PLEKHA6: variants seen among roughly 807,000 people sequenced by gnomAD.
PLEKHA6 encodes the protein pleckstrin homology domain-containing family A member 6.
A neutral mutation model predicts 116.7 loss-of-function variants in PLEKHA6; 60 were observed. The ratio of observed to expected loss-of-function variants is 0.51; its 90% CI spans 0.42 to 0.64. PLEKHA6 has a LOEUF of 0.64. Ranked by LOEUF, PLEKHA6 falls within the 30% of genes least tolerant of loss-of-function variation. PLEKHA6 has a pLI of 0.00. For synonymous variants in PLEKHA6, 489 were observed against 556.1 expected (o/e 0.88, Z 1.70); for missense variants, 1,338 against 1,422.7 (o/e 0.94, Z 0.96).
intron 1 of PLEKHA6, chr1:204,313,738 G>C: frequency 2.0e-6 from 2 of 983,374 alleles, no homozygotes; most frequent in South Asian, 4.7e-5. Flanking sequence ...ATCTCCCTGG[G>C]AGACATGGTC....
In PLEKHA6 at chr1:204,238,683, G is replaced by T. The variant is rs148260337; in HGVS notation, c.2409+2692C>A. ...CACCATGCCTTCTCTCCCCTACCCT[G>T]CACTGATGGACTCATGGGGAGTTCC... On this transcript the variant is annotated intron_variant, in intron 17 of 22. Transcript: ENST00000272203. This position sits in a 1 kb window ranked among gnomAD's most constrained non-coding sequence, Gnocchi z 4.2. Among the ~76,000 whole-genome samples the T allele has an allele frequency of 6.6e-6, 1 of 152,302 alleles. No individual in the cohort carries two copies. Among genetic ancestry groups the T allele is most frequent in the East Asian group, 1.9e-4 (1 of 5,184 alleles).
At chr1:204,348,655 C>A (rs2103351669) in intron 1 of PLEKHA6, among the ~76,000 whole-genome samples, 1 of 152,150 alleles carries the variant, frequency 6.6e-6, no homozygotes, top group East Asian at 1.9e-4. Flanking sequence ...CCTGGGTATT[C>A]CACAGCCACT....
chr1:204,308,492 G>GA (rs933342158), intron 1 of PLEKHA6, among the ~76,000 whole-genome samples: 35 of 148,388 alleles, frequency 2.4e-4, no homozygotes, highest in East Asian at 3.9e-4. Flanking sequence ...CTGATTGCAA[G>GA]AAAAAAAAAA....
chr1:204,323,021 C>G (rs1672119559), intron 1 of PLEKHA6, among the ~76,000 whole-genome samples: 2 of 152,214 alleles, frequency 1.3e-5, no homozygotes, highest in Admixed American at 6.5e-5. Context: ...TAATGCCTTC[C>G]CCGCTTTTAC....
intron 1 of PLEKHA6, chr1:204,275,727 C>A (rs1403848290): frequency 2.6e-5 from 26 of 985,002 alleles, no homozygotes; most frequent in Non-Finnish European, 3.1e-5. Context: ...GCCATAATGG[C>A]AACCCCCAAG....
rs770877618 is a variant in PLEKHA6 at position 204,241,797 on chromosome 1, T to C, written c.2190A>G (p.Glu730=). 1 of 1,614,190 alleles carries C rather than the reference T, an allele frequency of 6.2e-7. No homozygotes were observed. The highest frequency in any genetic ancestry group is 8.5e-7 in the Non-Finnish European group (1 of 1,180,030). The part of the protein sequence containing the change: ...PGSNEPKANY[E]QSKKDPHQTL... ...TCTGGTGGGGGTCTTTCTTGCTTTG[T>C]TCATAGTTTGCCTTGGGCTGGGGAG... The change falls in exon 16 of 23, where the codon GAA becomes GAG. Residue 730 remains glutamate, a synonymous_variant. Transcript: ENST00000272203.
At chr1:204,265,132 C>T in intron 5 of PLEKHA6, 90 bp from the exon 6 acceptor site, 1 of 861,068 alleles carries the variant, frequency 1.2e-6, no homozygotes, top group South Asian at 1.4e-5. Flanking sequence ...GTTGTCCCTC[C>T]CTGATAAATA....
chr1:204,330,756 C>T (rs1172730441), intron 1 of PLEKHA6, among the ~76,000 whole-genome samples: 1 of 151,828 alleles, frequency 6.6e-6, no homozygotes, highest in East Asian at 1.9e-4. Flanking sequence ...CAAGGCCCCA[C>T]CATGAGGTTG....
At chr1:204,347,436 A>G (rs1673103285) in intron 1 of PLEKHA6, among the ~76,000 whole-genome samples, 1 of 151,648 alleles carries the variant, frequency 6.6e-6, no homozygotes, top group Non-Finnish European at 1.5e-5. Context: ...CAGATTTCAT[A>G]TTGTTTAAAC....
chr1:204,317,333 A>ATCGCTGATTGTT, intron 1 of PLEKHA6: 2 of 269,814 alleles, frequency 7.4e-6, no homozygotes, highest in East Asian at 1.7e-4. Flanking sequence ...ATAAGATAAC[A>ATCGCTGATTGTT]ATCAGCGATG....
At chr1:204,346,358 C>G (rs1037303201) in intron 1 of PLEKHA6, among the ~76,000 whole-genome samples, 2 of 151,956 alleles carry the variant, frequency 1.3e-5, no homozygotes, top group African/African-American at 4.8e-5. Flanking sequence ...TCTCACCCCC[C>G]TAGAGGAGGC....
chr1:204,301,217 G>A, intron 1 of PLEKHA6: 4 of 983,606 alleles, frequency 4.1e-6, no homozygotes, highest in Non-Finnish European at 4.8e-6. Context: ...CAGAAGACAG[G>A]AGTTTCAGCA....
At chr1:204,226,323 A>G (rs1660362579) in intron 21 of PLEKHA6, among the ~76,000 whole-genome samples, 1 of 152,212 alleles carries the variant, frequency 6.6e-6, no homozygotes, top group Non-Finnish European at 1.5e-5. Context: ...ATGTAAGCCC[A>G]TGTGTATCAA....
chr1:204,275,165 G>T (rs957543798), intron 1 of PLEKHA6, among the ~76,000 whole-genome samples: 1 of 152,026 alleles, frequency 6.6e-6, no homozygotes, highest in East Asian at 1.9e-4. Flanking sequence ...CGCATGGCAG[G>T]TTCTCTCCCA....
intron 1 of PLEKHA6, among the ~76,000 whole-genome samples, chr1:204,308,279 G>C (rs1051800839): frequency 4.6e-5 from 7 of 152,184 alleles, no homozygotes; most frequent in Non-Finnish European, 8.8e-5. Flanking sequence ...AGTCAGATGG[G>C]CTGGGCAGTG....
intron 9 of PLEKHA6, 137 bp from the exon 10 acceptor site, chr1:204,250,751 C>T (rs931713756): frequency 1.4e-5 from 10 of 712,454 alleles, no homozygotes; most frequent in Middle Eastern, 2.4e-4. Context: ...GTTCCAGGGA[C>T]CTGAGCTCAT....
chr1:204,323,242 G>T (rs1672127694), intron 1 of PLEKHA6, among the ~76,000 whole-genome samples: 1 of 152,236 alleles, frequency 6.6e-6, no homozygotes, highest in Non-Finnish European at 1.5e-5. Flanking sequence ...CTTAGATGGG[G>T]CACTCTCCCA....
chr1:204,267,083 G>A (rs1666914981), intron 5 of PLEKHA6, among the ~76,000 whole-genome samples: 1 of 152,168 alleles, frequency 6.6e-6, no homozygotes, highest in Non-Finnish European at 1.5e-5. Flanking sequence ...GCATTCCAGT[G>A]GGATAGGAAG....
Position 204,229,067 on chromosome 1 carries a change from G to A in PLEKHA6, c.2621C>T (p.Ser874Phe), listed in dbSNP as rs1660790529. 4 of 1,613,890 alleles carry A rather than the reference G, an allele frequency of 2.5e-6. No homozygotes were observed. Among genetic ancestry groups the A allele is most frequent in the Non-Finnish European group, 3.4e-6 (4 of 1,179,866 alleles). Residue 874 changes from serine (S) to phenylalanine (F), a missense_variant, in exon 19 of 23, where the codon TCC becomes TTC. Physicochemically the swap from Ser to Phe is radical, Grantham distance 155 (BLOSUM62 -2). This residue lies in a region of PLEKHA6 where 1,136 missense variants were observed against 1,163.6 expected (regional missense o/e 0.98). Transcript: ENST00000272203. The stretch of plus-strand genomic sequence containing the variant: ...TGCCCGCAGGGCTGCCTCCAGGTTG[G>A]AGATGTCTACCTCATGGATGCTGCG... Reference protein sequence around the residue: ...RHRSIHEVDISNLEAALRAEE... With the variant: ...RHRSIHEVDIFNLEAALRAEE...
Sources: gnomAD v4.1 joint callset for allele counts (sites outside exome capture counted in the v4.1 genomes callset) on GRCh38, gnomAD v4.1.1 for gene constraint, gnomAD v4.1.1 regional missense constraint, Gnocchi (gnomAD v3.1) non-coding constraint, MANE v1.5 for transcripts, NCBI Gene and HGNC (gene_info 2026-07-23, HGNC 2026-07-21) for gene names.